The following NVL variants were observed in gnomAD, a reference collection of about 807,000 sequenced individuals.
NVL encodes nuclear valosin-containing protein-like.
A neutral mutation model predicts 110.2 loss-of-function variants in NVL; 84 were observed. The observed-to-expected ratio is 0.76, with a 90% CI of 0.64 to 0.91. The LOEUF (loss-of-function observed/expected upper bound fraction) is 0.91, where lower values mean the gene tolerates loss of function less well. Ranked by LOEUF, NVL falls within the 40% of genes least tolerant of loss-of-function variation. The pLI is 0.00. For synonymous variants in NVL, 354 were observed against 361.1 expected, an observed-to-expected ratio of 0.98 and a Z score of 0.22; for missense variants, 882 against 1,035.9, an observed-to-expected ratio of 0.85 and a Z score of 2.04.
In NVL at chr1:224,327,817, AAT is replaced by A. The variant is rs1412277615; in HGVS notation, c.58-1355_58-1354del. Among the ~76,000 whole-genome samples, 4 of 151,304 alleles carry A rather than the reference AAT, an allele frequency of 2.6e-5. No individual in the cohort carries two copies. The Admixed American group carries it at 2.7e-4, about 10-fold the overall frequency. On this transcript the variant is annotated intron_variant, in intron 1 of 22. Transcript: ENST00000281701. ...TTAGGAGTCACTGCTCAGAAACCTC[AAT>A]AAAGTGAAGGAGCAAGTTGTGGGAC... is the stretch of plus-strand genomic sequence containing the variant.
rs1302355024 is a variant in NVL, at chr1:224,319,010, C to T, written c.132-1080G>A. On this transcript the variant is annotated intron_variant, in intron 2 of 22. Coordinates refer to ENST00000281701, the MANE Select transcript of NVL (RefSeq NM_002533.4). ...TCTCAAAAAAAAAAAAAAAAATCAG[C>T]TGGGTGTGGTGGTGCACACTTGTGG... Among the ~76,000 whole-genome samples the T allele has an allele frequency of 2.1e-5, 3 of 140,600 alleles. No individual in the cohort carries two copies. The East Asian group carries it at 6.3e-4, about 30-fold the overall frequency. 92.2% of individuals were successfully genotyped at this position (140,600 alleles called of 152,430 possible). A position where few individuals can be genotyped will look rare whatever the true frequency, so the allele number is the denominator to read the frequency against.
At chr1:224,288,565 T>C (rs1667082853) in intron 13 of NVL, among the ~76,000 whole-genome samples, 1 of 152,146 alleles carries the variant, frequency 6.6e-6, no homozygotes, top group African/African-American at 2.4e-5. Flanking sequence ...TGCAATATTA[T>C]AAAAGGAATG....
chr1:224,253,483 C>G (rs1463229078), intron 18 of NVL, among the ~76,000 whole-genome samples: 2 of 151,330 alleles, frequency 1.3e-5, no homozygotes, highest in South Asian at 2.1e-4. Flanking sequence ...GCCTGTAATC[C>G]CAGCACTTTG....
chr1:224,306,565 C>CA (rs201518181), intron 6 of NVL, among the ~76,000 whole-genome samples: 336 of 151,658 alleles, frequency 2.2e-3, no homozygotes, highest in African/African-American at 7.6e-3. Flanking sequence ...TGCACCCGGC[C>CA]AAAAAAAATT....
At chr1:224,325,739 G>T (rs1325016189) in intron 2 of NVL, among the ~76,000 whole-genome samples, 1 of 152,126 alleles carries the variant, frequency 6.6e-6, no homozygotes, top group Non-Finnish European at 1.5e-5. Flanking sequence ...GTCTCAAAAA[G>T]AAAGGAGTCA....
intron 19 of NVL, among the ~76,000 whole-genome samples, chr1:224,241,975 T>C (rs909592656): frequency 4.0e-5 from 6 of 151,604 alleles, no homozygotes; most frequent in African/African-American, 1.5e-4. Flanking sequence ...GAGGTTGCAG[T>C]GAGCCAAGAC....
chr1:224,286,929 T>C (rs961418278), intron 14 of NVL, among the ~76,000 whole-genome samples: 32 of 152,208 alleles, frequency 2.1e-4, no homozygotes, highest in African/African-American at 6.3e-4. Flanking sequence ...TGCATTAAAA[T>C]TGCCTTGATC....
Position 224,326,399 on chromosome 1 carries a change from T to C in NVL, c.123A>G (p.Arg41=), listed in dbSNP as rs760034411. The change falls in exon 2 of 23, where the codon AGA becomes AGG. Residue 41 remains arginine (R), a synonymous_variant. Transcript: ENST00000281701. ...DIGVLASDLQ[R]VYSIDYGRRK... is the part of the protein sequence containing the mutation. ...AAACTATATTTATTTACCTGTACAC[T>C]CTTTGTAAATCAGACGCTAAGACTC... 1.4e-5 allele frequency: 23 copies of C among 1,610,022 alleles called. 1 individual carries two copies. The African/African-American group carries it at 2.9e-4, about 21-fold the overall frequency.
At chr1:224,298,347 T>C (rs922179348) in intron 10 of NVL, 3 of 199,308 alleles carry the variant, frequency 1.5e-5, no homozygotes, top group Non-Finnish European at 3.0e-5. Context: ...GCTGCTGGCA[T>C]TGTTGTAAAG....
chr1:224,275,495 T>C lies in NVL; in HGVS notation c.1963-37A>G, dbSNP rs377067199. The C allele has an allele frequency of 3.2e-5, 51 of 1,613,190 alleles. No homozygotes were observed. In the African/African-American group the frequency reaches 5.7e-4, roughly 18 times the overall value. ...CAGAAAGGAAATAAAATACCAACAG[T>C]TCAACTTTGTGGTTTGGGTCAAATG... On this transcript the variant is annotated intron_variant, in intron 16 of 22. Coordinates refer to ENST00000281701, the MANE Select transcript of NVL (RefSeq NM_002533.4).
At chr1:224,290,618 C>T (rs192060833) in intron 12 of NVL, among the ~76,000 whole-genome samples, 183 of 152,052 alleles carry the variant, frequency 1.2e-3, no homozygotes, top group Admixed American at 3.3e-3. Context: ...CTGGCTAACA[C>T]GGTGAAACCC....
chr1:224,258,084 GT>G lies in NVL; in HGVS notation c.2183-7767del, dbSNP rs983704437. ...TGGAATTTATCAAAATTAAAAACTT[GT>G]GTTTCAAATGACATCAAAAAAGTGA... On this transcript the variant is annotated intron_variant, in intron 18 of 22. Transcript: ENST00000281701. Among the ~76,000 whole-genome samples the G allele has an allele frequency of 1.9e-4, 29 of 152,140 alleles. 1 individual carries two copies. Among genetic ancestry groups the G allele is most frequent in the Admixed American group, 1.4e-3 (22 of 15,258 alleles).
intron 2 of NVL, among the ~76,000 whole-genome samples, chr1:224,324,532 G>A (rs1670953231): frequency 6.6e-6 from 1 of 152,196 alleles, no homozygotes; most frequent in Non-Finnish European, 1.5e-5. Flanking sequence ...GGGCTCAAGC[G>A]ATCCTCCCAC....
chr1:224,231,319 T>C (rs1571749318), intron 21 of NVL, 23 bp from the exon 22 acceptor site: 2 of 1,582,776 alleles, frequency 1.3e-6, no homozygotes, highest in East Asian at 2.2e-5. Flanking sequence ...TGCACAAATA[T>C]ACACATCTCA....
At chr1:224,292,728 A>G (rs957215063) in intron 12 of NVL, among the ~76,000 whole-genome samples, 8 of 151,862 alleles carry the variant, frequency 5.3e-5, no homozygotes, top group African/African-American at 1.9e-4. Flanking sequence ...CAGGATCTTC[A>G]GTGTACCCCT....
At chr1:224,269,446 T>G (rs1257234516) in intron 17 of NVL, among the ~76,000 whole-genome samples, 1 of 152,200 alleles carries the variant, frequency 6.6e-6, no homozygotes, top group East Asian at 1.9e-4. Flanking sequence ...CAGCCAGGTG[T>G]TCCAGATCTT....
intron 16 of NVL, among the ~76,000 whole-genome samples, chr1:224,278,817 C>T (rs935089142): frequency 2.6e-5 from 4 of 151,986 alleles, no homozygotes; most frequent in South Asian, 2.1e-4. Flanking sequence ...ACTGCAGCCT[C>T]GACCTCTCAG....
At chr1:224,251,018 A>C (rs948561290) in intron 18 of NVL, among the ~76,000 whole-genome samples, 62 of 152,152 alleles carry the variant, frequency 4.1e-4, no homozygotes, top group East Asian at 9.7e-4. Context: ...TCACACCTGT[A>C]ATCCCAGCAC....
At chr1:224,242,829 T>G (rs1207508898) in intron 19 of NVL, among the ~76,000 whole-genome samples, 3 of 149,694 alleles carry the variant, frequency 2.0e-5, no homozygotes, top group African/African-American at 7.4e-5. Flanking sequence ...AATGCTTGTT[T>G]TTTTTTTTTT....
Sources: gnomAD v4.1 joint callset for allele counts (sites outside exome capture counted in the v4.1 genomes callset) on GRCh38, gnomAD v4.1.1 for gene constraint, MANE v1.5 for transcripts, NCBI Gene and HGNC (gene_info 2026-07-23, HGNC 2026-07-21) for gene names.